The following SUMF1 variants were observed in gnomAD, a reference collection of about 807,000 sequenced individuals.
The protein encoded by SUMF1 is sulfatase modifying factor 1.
Under a neutral mutation model 47.6 loss-of-function variants are expected in SUMF1, and 48 were observed. The ratio of observed to expected loss-of-function variants is 1.01; its 90% CI spans 0.80 to 1.28. The LOEUF is 1.28. SUMF1 is among the 50% of genes most tolerant of loss of function. The probability of loss-of-function intolerance (pLI) is 0.00; values close to 1 mark genes in which losing one functional copy is unlikely to be tolerated. For missense variants in SUMF1, 571 were observed against 485.4 expected (o/e 1.18, Z -1.66); for synonymous variants, 230 against 192.1 (o/e 1.20, Z -1.63).
At chr3:4,139,706 G>A (rs1187513108) in intron 8 of SUMF1, among the ~76,000 whole-genome samples, 2 of 151,616 alleles carry the variant, frequency 1.3e-5, no homozygotes, top group East Asian at 3.9e-4. Context: ...GCAAACAATT[G>A]CATAGTAAGT....
intron 8 of SUMF1, among the ~76,000 whole-genome samples, chr3:4,168,456 T>C (rs1694760274): frequency 6.6e-6 from 1 of 152,112 alleles, no homozygotes; most frequent in South Asian, 2.1e-4. Context: ...AGAAGCAAGG[T>C]TGGTCTTCAC....
chr3:4,077,661 T>C (rs1692469358), intron 8 of SUMF1, among the ~76,000 whole-genome samples: 1 of 151,748 alleles, frequency 6.6e-6, no homozygotes, highest in Non-Finnish European at 1.5e-5. Flanking sequence ...TGTCATCGGG[T>C]TGGGGGCTGG....
rs892923286 is a variant in SUMF1 at position 4,194,853 on chromosome 3, C to A, written c.1015-126108G>T. On this transcript the variant is annotated intron_variant and NMD_transcript_variant, in intron 8 of 12. Coordinates refer to the SUMF1 transcript ENST00000448413. ...TTCGAACAATGTTATTTACTGATGACCCCTTGAAGATAAGCTAGCGGTAAA... is the reference window on the plus strand; with the variant it reads ...TTCGAACAATGTTATTTACTGATGAACCCTTGAAGATAAGCTAGCGGTAAA... Among the ~76,000 whole-genome samples, 10 of 152,220 alleles carry A rather than the reference C, an allele frequency of 6.6e-5. 1 individual carries two copies. The highest frequency in any genetic ancestry group is 6.8e-3 in the Middle Eastern group (2 of 294).
rs137852844 is a variant in SUMF1, at chr3:4,362,193, G to A, written c.1076C>T (p.Ser359Leu). 3.3e-5 allele frequency: 54 copies of A among 1,614,076 alleles called. No homozygotes were observed. Among genetic ancestry groups the A allele is most frequent in the Non-Finnish European group, 4.2e-5 (50 of 1,180,034 alleles). Residue 359 changes from serine to leucine, a missense_variant, in exon 9 of 9, where the codon TCG becomes TTG. By Grantham distance (145) the Ser-to-Leu change is moderately radical. Coordinates refer to ENST00000272902, the MANE Select transcript of SUMF1 (RefSeq NM_182760.4). Reference protein sequence around the residue: ...RSQNTPDSSASNLGFRCAADR... With the variant: ...RSQNTPDSSALNLGFRCAADR... ...GGCTGCACAGCGGAATCCCAGATTC[G>A]AAGCAGAGCTATCAGGTGTGTTCTG... is the stretch of plus-strand genomic sequence containing the variant.
intron 8 of SUMF1, among the ~76,000 whole-genome samples, chr3:4,154,881 C>G (rs1694418578): frequency 6.6e-6 from 1 of 151,450 alleles, no homozygotes; most frequent in Non-Finnish European, 1.5e-5. Context: ...TATATGACTG[C>G]AACTTGAAGT....
chr3:4,310,540 G>A (rs1698363171), intron 8 of SUMF1, among the ~76,000 whole-genome samples: 1 of 152,132 alleles, frequency 6.6e-6, no homozygotes, highest in Non-Finnish European at 1.5e-5. Flanking sequence ...TTTCCCAGAA[G>A]TCTCTGTTTT....
intron 9 of SUMF1, among the ~76,000 whole-genome samples, chr3:4,060,535 C>A (rs1001801748): frequency 1.3e-5 from 2 of 152,128 alleles, no homozygotes. Flanking sequence ...CTGTAACACC[C>A]CCAGCAGAGT....
chr3:4,049,248 G>A (rs1695061083), intron 9 of SUMF1, among the ~76,000 whole-genome samples: 2 of 152,202 alleles, frequency 1.3e-5, no homozygotes. Context: ...TGCCATGGCA[G>A]AAGGAAAATG....
chr3:4,410,935 A>T lies in SUMF1; in HGVS notation c.884T>A (p.Val295Glu). 6.2e-7 allele frequency: 1 copy of T among 1,614,076 alleles called. No homozygotes were observed. The highest frequency in any genetic ancestry group is 1.1e-5 in the South Asian group (1 of 91,086). Residue 295 changes from valine to glutamate, a missense_variant, in exon 7 of 9, where the codon GTG becomes GAG. Coordinates refer to ENST00000272902, the MANE Select transcript of SUMF1 (RefSeq NM_182760.4). The part of the protein sequence containing the change: ...PPNGYGLYNI[V>E]GNAWEWTSDW... ...TGAAGTCCATTCCCATGCGTTCCCC[A>T]CTATGTTGTATAAGCCATAACCATT... is the stretch of plus-strand genomic sequence containing the variant.
At chr3:4,367,669 A>G (rs1325898095) in intron 8 of SUMF1, among the ~76,000 whole-genome samples, 1 of 152,202 alleles carries the variant, frequency 6.6e-6, no homozygotes, top group African/African-American at 2.4e-5. Flanking sequence ...CAGAGCCCTC[A>G]GAAATAACGC....
Position 4,135,212 on chromosome 3 carries a change from C to T in SUMF1, c.1015-66467G>A, listed in dbSNP as rs183130899. The stretch of plus-strand genomic sequence containing the variant: ...CCAATATCCTTGATGAATATTGATG[C>T]AAAAATCCTCAATAAAATACTGGCA... On this transcript the variant is annotated intron_variant and NMD_transcript_variant, in intron 8 of 12. Coordinates refer to the SUMF1 transcript ENST00000448413. Among the ~76,000 whole-genome samples the T allele has an allele frequency of 1.7e-3, 262 of 152,142 alleles. 4 individuals are homozygous for T. The highest frequency in any genetic ancestry group is 4.7e-3 in the Admixed American group (71 of 15,266).
intron 9 of SUMF1, among the ~76,000 whole-genome samples, chr3:4,057,793 G>A (rs1471393722): frequency 6.6e-6 from 1 of 152,032 alleles, no homozygotes; most frequent in Admixed American, 6.6e-5. Flanking sequence ...TAGTTTATGG[G>A]GATAGATTAT....
chr3:4,254,728 G>C (rs1262244168), intron 8 of SUMF1, among the ~76,000 whole-genome samples: 1 of 149,548 alleles, frequency 6.7e-6, no homozygotes, highest in East Asian at 2.0e-4. Flanking sequence ...AATCTAGCAA[G>C]GCAGGCCAAC....
At chr3:4,072,851 A>G (rs1369069362) in intron 8 of SUMF1, among the ~76,000 whole-genome samples, 1 of 152,208 alleles carries the variant, frequency 6.6e-6, no homozygotes, top group African/African-American at 2.4e-5. Context: ...GACCAAACCT[A>G]CGTTTGACTG....
chr3:4,462,158 C>T (rs1167588289), intron 1 of SUMF1, among the ~76,000 whole-genome samples: 1 of 152,190 alleles, frequency 6.6e-6, no homozygotes, highest in Non-Finnish European at 1.5e-5. Context: ...CTTAAGCTTT[C>T]TAAGTGGCCC....
chr3:4,337,291 G>T (rs886247119), intron 8 of SUMF1, among the ~76,000 whole-genome samples: 3 of 133,420 alleles, frequency 2.2e-5, no homozygotes, highest in Non-Finnish European at 4.6e-5. Flanking sequence ...CTTCCTGTTT[G>T]CTGTCAACCA....
intron 8 of SUMF1, among the ~76,000 whole-genome samples, chr3:4,141,997 C>A (rs1488565225): frequency 6.6e-6 from 1 of 152,110 alleles, no homozygotes. Flanking sequence ...TCATTACAAT[C>A]AGCAAACTAC....
chr3:4,417,060 ACCC>A, intron 6 of SUMF1, 65 bp downstream of exon 6: 1 of 1,436,978 alleles, frequency 7.0e-7, no homozygotes, highest in Middle Eastern at 1.8e-4. Flanking sequence ...AATGCCTTTC[ACCC>A]CATGTCTACT....
chr3:4,190,189 G>GT (rs200279859), intron 8 of SUMF1, among the ~76,000 whole-genome samples: 2,675 of 141,672 alleles, frequency 0.019, 59 homozygotes, highest in African/African-American at 0.055. Flanking sequence ...CTTATGGAGA[G>GT]TTTTTTTTTT....
Sources: allele counts gnomAD v4.1 joint callset (sites outside exome capture counted in the v4.1 genomes callset), GRCh38; gene constraint gnomAD v4.1.1; transcripts MANE v1.5; gene names NCBI Gene and HGNC (gene_info 2026-07-23, HGNC 2026-07-21).